Variants in NECAB2 observed in about 807,000 individuals in gnomAD.
NECAB2 encodes N-terminal EF-hand calcium-binding protein 2.
NECAB2 carries 68 observed loss-of-function variants against 51.9 expected under a neutral mutation model. That is an observed-to-expected ratio of 1.31 (90% CI 1.08 to 1.60). The LOEUF (loss-of-function observed/expected upper bound fraction) is 1.60. Ranked by LOEUF, NECAB2 falls within the 40% of genes most tolerant of loss-of-function variation. The probability of loss-of-function intolerance (pLI) is 0.00; values close to 1 mark genes in which losing one functional copy is unlikely to be tolerated. For synonymous variants in NECAB2, 329 were observed against 203.5 expected (o/e 1.62, Z -5.25); for missense variants, 854 against 490.3 (o/e 1.74, Z -7.00).
chr16:83,975,867 G>A (rs1241065468), intron 2 of NECAB2, among the ~76,000 whole-genome samples: 3 of 152,190 alleles, frequency 2.0e-5, no homozygotes, highest in African/African-American at 4.8e-5. Context: ...GCGCGGGCCC[G>A]CTTGGCCTGT....
At position 84,002,641 on chromosome 16, in the gene NECAB2, C is replaced by G. The variant is rs1481319446; in HGVS notation, c.*295C>G. 1 of 527,084 alleles carries G rather than the reference C, an allele frequency of 1.9e-6. No individual in the cohort carries two copies. Among genetic ancestry groups the G allele is most frequent in the African/African-American group, 1.9e-5 (1 of 51,948 alleles). 32.7% of individuals were successfully genotyped at this position (527,084 alleles called of 1,614,324 possible). A position where few individuals can be genotyped will look rare whatever the true frequency, so the allele number is the denominator to read the frequency against. On this transcript the variant is annotated 3_prime_UTR_variant, in exon 13 of 13. Coordinates refer to ENST00000305202, the MANE Select transcript of NECAB2 (RefSeq NM_019065.3). ...CTCCCCTACCCCTCACATGGCCACG[C>G]ATGACCCACACTGACCACACCCTGC...
intron 6 of NECAB2, 32 bp from the exon 7 acceptor site, chr16:83,994,270 A>G (rs966379443): frequency 1.8e-5 from 29 of 1,606,592 alleles, no homozygotes; most frequent in Non-Finnish European, 2.4e-5. Context: ...AGCCACCGCC[A>G]TGGTCTGTGT....
intron 10 of NECAB2, among the ~76,000 whole-genome samples, chr16:84,000,287 T>C (rs1002718836): frequency 2.0e-5 from 3 of 150,612 alleles, no homozygotes; most frequent in Admixed American, 6.6e-5. Flanking sequence ...CCTGGCACTT[T>C]GGGAAGCCAA....
At position 84,000,415 on chromosome 16, in the gene NECAB2, C is replaced by G. The variant is rs990572117; in HGVS notation, c.963-309C>G. ...GAGTGGTGCACTCCTCTAGTCCCCG[C>G]TACTTGGAAGGCTGAAGTGATTGTG... On this transcript the variant is annotated intron_variant, in intron 10 of 12. Coordinates refer to ENST00000305202, the MANE Select transcript of NECAB2 (RefSeq NM_019065.3). Among the ~76,000 whole-genome samples, 22 of 152,244 alleles carry G rather than the reference C, an allele frequency of 1.4e-4. No individual in the cohort carries two copies. In the East Asian group the frequency reaches 2.5e-3, roughly 17 times the overall value.
chr16:83,976,122 C>T (rs143184607), intron 2 of NECAB2, among the ~76,000 whole-genome samples: 158 of 152,254 alleles, frequency 1.0e-3, no homozygotes, highest in African/African-American at 3.5e-3. Context: ...ATGAGCCAGC[C>T]AGAGGGAGGC....
chr16:83,990,654 G>T (rs750888592), intron 6 of NECAB2, 24 bp downstream of exon 6: 2 of 1,613,226 alleles, frequency 1.2e-6, no homozygotes, highest in Non-Finnish European at 1.7e-6. Context: ...ACCCTGCAGG[G>T]TCCCATGGGG....
intron 6 of NECAB2, among the ~76,000 whole-genome samples, chr16:83,993,880 C>A (rs969477796): frequency 2.6e-5 from 4 of 152,052 alleles, no homozygotes; most frequent in Non-Finnish European, 4.4e-5. Context: ...GAAACCAGGT[C>A]CCCCACCCCA....
At chr16:83,998,405 A>G (rs974229238) in intron 10 of NECAB2, 88 bp downstream of exon 10, 4 of 1,247,554 alleles carry the variant, frequency 3.2e-6, no homozygotes, top group Admixed American at 4.1e-5. Context: ...GCTTTGCCCT[A>G]AGTAGTACAA....
At chr16:83,990,658 C>T (rs1254549517) in intron 6 of NECAB2, 28 bp downstream of exon 6, 3 of 1,612,896 alleles carry the variant, frequency 1.9e-6, no homozygotes, top group South Asian at 2.2e-5. Context: ...TGCAGGGTCC[C>T]ATGGGGGTAT....
rs146891963 is a variant in NECAB2 at position 83,971,981 on chromosome 16, A to G, written c.202-170A>G. The G allele has an allele frequency of 6.1e-4, 511 of 831,232 alleles. 4 individuals are homozygous for G. In the African/African-American group the frequency reaches 7.9e-3, roughly 13 times the overall value. The allele number at this position is 831,232 out of a possible 1,614,324, so 51.5% of individuals were successfully genotyped here. A position where few individuals can be genotyped will look rare whatever the true frequency, so the allele number is the denominator to read the frequency against. ...GCCTCTGTCTGCAACATCCCTCATC[A>G]GTTCCCCCTGGATCCCAGCCCGGGG... On this transcript the variant is annotated intron_variant, in intron 1 of 12. Coordinates refer to ENST00000305202, the MANE Select transcript of NECAB2 (RefSeq NM_019065.3).
intron 12 of NECAB2, 152 bp downstream of exon 12, chr16:84,002,068 G>A (rs1206211315): frequency 9.6e-7 from 1 of 1,046,322 alleles, no homozygotes; most frequent in East Asian, 2.6e-5. Context: ...AGCCAGCCCT[G>A]AGGTGGCCCC....
chr16:83,999,187 A>C (rs939442864), intron 10 of NECAB2, among the ~76,000 whole-genome samples: 2 of 152,074 alleles, frequency 1.3e-5, no homozygotes, highest in African/African-American at 4.8e-5. Context: ...GCACGAGGGG[A>C]GGAGTAGCCT....
intron 1 of NECAB2, among the ~76,000 whole-genome samples, chr16:83,970,974 G>T (rs1414408427): frequency 6.6e-6 from 1 of 152,072 alleles, no homozygotes; most frequent in Admixed American, 6.6e-5. Context: ...GGCGTCTGTA[G>T]TCCCAGCTAC....
rs57112340 is a variant in NECAB2 at position 83,997,094 on chromosome 16, C to G, written c.796-122C>G. ...CCACTTCCTAGCGTTGGTCTCCCAG[C>G]CCTGTGCAACAGGGCCGGGTCCTTG... On this transcript the variant is annotated intron_variant, in intron 8 of 12. Transcript: ENST00000305202. 19,032 of 1,105,828 alleles carry G rather than the reference C, an allele frequency of 0.017. 1,955 individuals carry two copies. In the African/African-American group the frequency reaches 0.24, roughly 14 times the overall value. 68.5% of individuals were successfully genotyped at this position (1,105,828 alleles called of 1,614,324 possible).
At position 83,972,265 on chromosome 16, in the gene NECAB2, C is replaced by T. The variant is rs542342805; in HGVS notation, c.226+90C>T. 1,218 of 1,584,280 alleles carry T rather than the reference C, an allele frequency of 7.7e-4. 2 individuals are homozygous for T. The highest frequency in any genetic ancestry group is 1.0e-3 in the Middle Eastern group (6 of 6,012). On this transcript the variant is annotated intron_variant, in intron 2 of 12. Coordinates refer to ENST00000305202, the MANE Select transcript of NECAB2 (RefSeq NM_019065.3). ...GATCAGGGATAGGAGACAAGCGCAA[C>T]CTTGAACCTAAAGGTTTGGAGTGCA... is the stretch of plus-strand genomic sequence containing the variant.
At chr16:83,978,402 C>G in intron 2 of NECAB2, 42 bp from the exon 3 acceptor site, 3 of 1,561,020 alleles carry the variant, frequency 1.9e-6, no homozygotes, top group Non-Finnish European at 2.6e-6. Flanking sequence ...CCAGCCTTAT[C>G]TCTGCAGACA....
chr16:83,972,316 C>T (rs1258874898), intron 2 of NECAB2, 141 bp downstream of exon 2: 3 of 1,189,796 alleles, frequency 2.5e-6, no homozygotes, highest in Admixed American at 2.0e-5. Flanking sequence ...AAGGCCAAAT[C>T]CTGCTGCTGC....
upstream of NECAB2, chr16:83,965,716 G>C: frequency 1.9e-6 from 3 of 1,613,674 alleles, no homozygotes; most frequent in Non-Finnish European, 2.5e-6. Flanking sequence ...AGGACCTCGA[G>C]GGTGTCGAGA....
intron 2 of NECAB2, among the ~76,000 whole-genome samples, chr16:83,973,740 C>A (rs1597195570): frequency 1.3e-5 from 2 of 151,870 alleles, no homozygotes; most frequent in South Asian, 4.2e-4. Flanking sequence ...CACAGTAGGT[C>A]CTCGGTAAAT....
Sources: gnomAD v4.1 joint callset for allele counts (sites outside exome capture counted in the v4.1 genomes callset) on GRCh38, gnomAD v4.1.1 for gene constraint, MANE v1.5 for transcripts, NCBI Gene and HGNC (gene_info 2026-07-23, HGNC 2026-07-21) for gene names.